Variants in CHCHD3 observed in about 807,000 individuals in gnomAD.
The protein encoded by CHCHD3 is coiled-coil-helix-coiled-coil-helix domain containing 3.
Under a neutral mutation model 38.2 loss-of-function variants are expected in CHCHD3, and 20 were observed. That is an observed-to-expected ratio of 0.52 (90% CI 0.37 to 0.76). CHCHD3 has a LOEUF of 0.76. CHCHD3 is among the 30% of genes least tolerant of loss of function. The pLI is 0.00. For missense variants in CHCHD3, 245 were observed against 279.2 expected (o/e 0.88, Z 0.87); for synonymous variants, 82 against 100.0 (o/e 0.82, Z 1.07).
At chr7:133,065,399 C>A (rs1203295786) in intron 2 of CHCHD3, among the ~76,000 whole-genome samples, 1 of 152,084 alleles carries the variant, frequency 6.6e-6, no homozygotes, top group East Asian at 1.9e-4. Context: ...AAAATGTATT[C>A]TCAAAACTAT....
chr7:132,921,878 T>C (rs1810271896), intron 4 of CHCHD3, among the ~76,000 whole-genome samples: 1 of 152,206 alleles, frequency 6.6e-6, no homozygotes, highest in Non-Finnish European at 1.5e-5. Context: ...GAATTTATAT[T>C]TTCAGAGGAC....
chr7:132,823,471 T>C (rs1165271296), intron 6 of CHCHD3, among the ~76,000 whole-genome samples: 1 of 152,238 alleles, frequency 6.6e-6, no homozygotes, highest in Non-Finnish European at 1.5e-5. Flanking sequence ...TATCTTATTG[T>C]ACTCTGCAAA....
At chr7:133,033,794 T>G (rs1453953939) in intron 2 of CHCHD3, among the ~76,000 whole-genome samples, 2 of 152,196 alleles carry the variant, frequency 1.3e-5, no homozygotes, top group African/African-American at 4.8e-5. Flanking sequence ...AAGATCATCT[T>G]AATTTTCCTT....
chr7:132,915,152 C>A lies in CHCHD3; in HGVS notation c.370-29407G>T, dbSNP rs547628883. Among the ~76,000 whole-genome samples the A allele has an allele frequency of 7.4e-3, 1,121 of 150,570 alleles. 13 individuals carry two copies. Among genetic ancestry groups the A allele is most frequent in the African/African-American group, 0.023 (934 of 40,762 alleles). On this transcript the variant is annotated intron_variant, in intron 4 of 7. Coordinates refer to ENST00000262570, the MANE Select transcript of CHCHD3 (RefSeq NM_017812.4). Reference sequence around the variant, plus strand: ...GTACTCCATCTCAAAAAAAAAAAAACCAAATCAACAAAAAAACACTCTGCA... The same window carrying A: ...GTACTCCATCTCAAAAAAAAAAAAAACAAATCAACAAAAAAACACTCTGCA...
At chr7:133,000,231 G>A (rs1350033995) in intron 3 of CHCHD3, among the ~76,000 whole-genome samples, 1 of 152,122 alleles carries the variant, frequency 6.6e-6, no homozygotes, top group African/African-American at 2.4e-5. Flanking sequence ...AAGAATTGAT[G>A]CTACAATTTC....
intron 5 of CHCHD3, among the ~76,000 whole-genome samples, chr7:132,843,945 TTACTTACAGTA>T (rs934678059): frequency 7.2e-5 from 11 of 152,192 alleles, no homozygotes; most frequent in Non-Finnish European, 2.9e-5. Context: ...TTAAGAGTAA[TTACTTACAGTA>T]TATGGAATGG....
intron 4 of CHCHD3, among the ~76,000 whole-genome samples, chr7:132,959,093 G>A (rs762398444): frequency 6.6e-6 from 1 of 152,176 alleles, no homozygotes; most frequent in African/African-American, 2.4e-5. Context: ...AGAAGAAAGG[G>A]GAGGCCATGC....
At chr7:132,843,810 T>G (rs1808001988) in intron 5 of CHCHD3, among the ~76,000 whole-genome samples, 1 of 151,930 alleles carries the variant, frequency 6.6e-6, no homozygotes, top group Non-Finnish European at 1.5e-5. Flanking sequence ...CGTAGTAGGA[T>G]ATATATCAAT....
At chr7:133,079,032 C>T (rs1417282252) in intron 1 of CHCHD3, among the ~76,000 whole-genome samples, 1 of 152,028 alleles carries the variant, frequency 6.6e-6, no homozygotes, top group African/African-American at 2.4e-5. Flanking sequence ...TATTTAAAGC[C>T]AAGAAAAATA....
At chr7:133,014,173 T>C (rs762317504) in intron 3 of CHCHD3, among the ~76,000 whole-genome samples, 27 of 152,088 alleles carry the variant, frequency 1.8e-4, no homozygotes, top group Non-Finnish European at 2.9e-4. Flanking sequence ...CTTGACAAAA[T>C]GGCACCAAGA....
chr7:132,913,625 G>A (rs367655195), intron 4 of CHCHD3, among the ~76,000 whole-genome samples: 1 of 152,224 alleles, frequency 6.6e-6, no homozygotes, highest in East Asian at 1.9e-4. Context: ...CAACAGGGAG[G>A]TCTACCGATT....
At chr7:132,793,090 G>A (rs185401047) in intron 7 of CHCHD3, among the ~76,000 whole-genome samples, 148 of 152,252 alleles carry the variant, frequency 9.7e-4, no homozygotes, top group African/African-American at 3.4e-3. Flanking sequence ...AAATACTATT[G>A]GCTTCTCATT....
At chr7:132,999,252 T>G (rs563005856) in intron 3 of CHCHD3, among the ~76,000 whole-genome samples, 2 of 152,366 alleles carry the variant, frequency 1.3e-5, no homozygotes, top group Non-Finnish European at 2.9e-5. Context: ...GACTCTATTT[T>G]GCCACATACT....
At chr7:132,909,964 C>A (rs1165426994) in intron 4 of CHCHD3, among the ~76,000 whole-genome samples, 2 of 152,220 alleles carry the variant, frequency 1.3e-5, no homozygotes, top group Non-Finnish European at 2.9e-5. Context: ...TGAGCTTTCC[C>A]ATGAAAAACT....
Position 132,915,225 on chromosome 7 carries a change from C to T in CHCHD3, c.370-29480G>A, listed in dbSNP as rs372313179. 7.2e-5 allele frequency among the ~76,000 whole-genome samples: 11 copies of T among 152,000 alleles called. No individual in the cohort carries two copies. The South Asian group carries it at 1.5e-3, about 20-fold the overall frequency. ...CTCAAGGTCATCCACTGGAAGAGAGCGGCAAGGATTTCGAGCTATGGTAAG... is the reference window on the plus strand; with the variant it reads ...CTCAAGGTCATCCACTGGAAGAGAGTGGCAAGGATTTCGAGCTATGGTAAG... On this transcript the variant is annotated intron_variant, in intron 4 of 7. Coordinates refer to ENST00000262570, the MANE Select transcript of CHCHD3 (RefSeq NM_017812.4).
At chr7:132,980,724 A>G (rs1015391635) in intron 3 of CHCHD3, among the ~76,000 whole-genome samples, 3 of 152,218 alleles carry the variant, frequency 2.0e-5, no homozygotes, top group Non-Finnish European at 4.4e-5. Flanking sequence ...CAAATCTCCT[A>G]TAATAAATAT....
At chr7:133,033,059 T>G (rs796877513) in intron 2 of CHCHD3, among the ~76,000 whole-genome samples, 1 of 152,052 alleles carries the variant, frequency 6.6e-6, no homozygotes, top group African/African-American at 2.4e-5. Flanking sequence ...ACAAGCTAAT[T>G]TATAATAAAA....
chr7:132,985,678 T>TG (rs779064624), intron 3 of CHCHD3, among the ~76,000 whole-genome samples: 11,690 of 35,082 alleles, frequency 0.33, 3,314 homozygotes, highest in Non-Finnish European at 0.37. Flanking sequence ...GGGAGGGAGG[T>TG]GGGGGGGGGG....
intron 4 of CHCHD3, among the ~76,000 whole-genome samples, chr7:132,960,308 C>T (rs1811285154): frequency 6.6e-6 from 1 of 151,832 alleles, no homozygotes; most frequent in African/African-American, 2.4e-5. Context: ...TATTATCATA[C>T]ACACAGAGAG....
Sources: allele counts gnomAD v4.1 joint callset (sites outside exome capture counted in the v4.1 genomes callset), GRCh38; gene constraint gnomAD v4.1.1; transcripts MANE v1.5; gene names NCBI Gene and HGNC (gene_info 2026-07-23, HGNC 2026-07-21).